Variants in SEL1L2 observed in about 807,000 individuals in gnomAD.
SEL1L2 encodes the protein protein sel-1 homolog 2.
SEL1L2 carries 89 observed loss-of-function variants against 98.8 expected under a neutral mutation model. That is an observed-to-expected ratio of 0.90 (90% CI 0.76 to 1.07). The LOEUF (loss-of-function observed/expected upper bound fraction) is 1.07, where lower values mean the gene tolerates loss of function less well. SEL1L2 is among the 50% of genes least tolerant of loss of function. The probability of loss-of-function intolerance (pLI) is 0.00; values close to 1 mark genes in which losing one functional copy is unlikely to be tolerated. For missense variants in SEL1L2, 788 were observed against 812.0 expected, an observed-to-expected ratio of 0.97 and a Z score of 0.36; for synonymous variants, 262 against 278.5, an observed-to-expected ratio of 0.94 and a Z score of 0.59.
At chr20:13,989,469 T>A (rs2052429059) in intron 1 of SEL1L2, among the ~76,000 whole-genome samples, 1 of 152,246 alleles carries the variant, frequency 6.6e-6, no homozygotes, top group Admixed American at 6.5e-5. Context: ...TTTTGTTTCT[T>A]GTGTAATTGC....
At position 13,983,023 on chromosome 20, in the gene SEL1L2, C is replaced by CAAAAAAAAAAAAAAAAAAAAA; in HGVS notation, c.58+7433_58+7453dup. ...TGGGCAACAGAGCAAGACTCCATCT[C>CAAAAAAAAAAAAAAAAAAAAA]AAAAAAAAAAAAAAAAAAAAAAAAA... On this transcript the variant is annotated intron_variant, in intron 1 of 19. Coordinates refer to ENST00000284951, the MANE Select transcript of SEL1L2 (RefSeq NM_025229.2). 9.9e-3 allele frequency among the ~76,000 whole-genome samples: 154 copies of CAAAAAAAAAAAAAAAAAAAAA among 15,562 alleles called. 49 individuals are homozygous for CAAAAAAAAAAAAAAAAAAAAA. The highest frequency in any genetic ancestry group is 0.014 in the Non-Finnish European group (96 of 6,950). The allele number at this position is 15,562 out of a possible 152,430, so 10.2% of individuals were successfully genotyped here. A position where few individuals can be genotyped will look rare whatever the true frequency, so the allele number is the denominator to read the frequency against.
intron 17 of SEL1L2, among the ~76,000 whole-genome samples, chr20:13,861,532 A>C (rs963476856): frequency 6.6e-6 from 1 of 152,080 alleles, no homozygotes; most frequent in Non-Finnish European, 1.5e-5. Flanking sequence ...ATACCATCCA[A>C]TTTACCCATT....
Position 13,913,928 on chromosome 20 carries a change from C to A in SEL1L2, c.403G>T (p.Ala135Ser), listed in dbSNP as rs761668363. The stretch of plus-strand genomic sequence containing the variant: ...AAGTTTCCCATGTCAGCTGCTTTGG[C>A]AAAAAGTAGGTAGGCTCTGTTTCAA... Reference protein sequence around the residue: ...KQKEEAYLLFAKAADMGNLKA... With the variant: ...KQKEEAYLLFSKAADMGNLKA... The change falls in exon 5 of 20, where the codon GCC becomes TCC. Residue 135 changes from alanine to serine, a missense_variant. By Grantham distance (99) the Ala-to-Ser change is moderately conservative (BLOSUM62 1). Coordinates refer to ENST00000284951, the MANE Select transcript of SEL1L2 (RefSeq NM_025229.2). 6.4e-7 allele frequency: 1 copy of A among 1,559,014 alleles called. No individual in the cohort carries two copies. The highest frequency in any genetic ancestry group is 8.6e-7 in the Non-Finnish European group (1 of 1,162,382).
At chr20:13,987,458 GC>G (rs2052278996) in intron 1 of SEL1L2, among the ~76,000 whole-genome samples, 2 of 151,786 alleles carry the variant, frequency 1.3e-5, no homozygotes, top group South Asian at 4.2e-4. Flanking sequence ...CGATTCTCCT[GC>G]CTCAGCCTCC....
chr20:13,960,797 A>G (rs1168052267), intron 1 of SEL1L2, among the ~76,000 whole-genome samples: 3 of 152,190 alleles, frequency 2.0e-5, no homozygotes, highest in Non-Finnish European at 4.4e-5. Context: ...CGGGTACAGG[A>G]AGAAAATATT....
rs2050526289 is a variant in SEL1L2 at position 13,956,145 on chromosome 20, A to C, written c.59-14T>G. 2 of 1,406,222 alleles carry C rather than the reference A, an allele frequency of 1.4e-6. No homozygotes were observed. The highest frequency in any genetic ancestry group is 2.4e-5 in the East Asian group (1 of 41,384). The allele number at this position is 1,406,222 out of a possible 1,614,324, so 87.1% of individuals were successfully genotyped here. A position where few individuals can be genotyped will look rare whatever the true frequency, so the allele number is the denominator to read the frequency against. On this transcript the variant is annotated splice_polypyrimidine_tract_variant and intron_variant, in intron 1 of 19. Coordinates refer to ENST00000284951, the MANE Select transcript of SEL1L2 (RefSeq NM_025229.2). ...CTGCTTTGATAGCTGCAATACACAA[A>C]ATTTTTTTATAAAATTTAAAAGCAT...
chr20:13,968,494 C>T (rs8122826), intron 1 of SEL1L2, among the ~76,000 whole-genome samples: 2 of 152,258 alleles, frequency 1.3e-5, no homozygotes, highest in South Asian at 2.1e-4. Flanking sequence ...TGAGAGTATG[C>T]GGTGGAACAT....
intron 18 of SEL1L2, among the ~76,000 whole-genome samples, chr20:13,854,435 C>T (rs186804356): frequency 3.9e-5 from 6 of 152,300 alleles, no homozygotes; most frequent in Admixed American, 2.6e-4. Context: ...CCTGGCAGTG[C>T]TGATTCCCCT....
intron 5 of SEL1L2, among the ~76,000 whole-genome samples, chr20:13,897,941 A>AACAC (rs557227250): frequency 6.7e-5 from 10 of 150,066 alleles, no homozygotes; most frequent in Middle Eastern, 3.2e-3. Flanking sequence ...GGCCACTATA[A>AACAC]ACACACACAC....
intron 18 of SEL1L2, among the ~76,000 whole-genome samples, chr20:13,856,277 A>G (rs1024907445): frequency 6.6e-6 from 1 of 152,080 alleles, no homozygotes. Context: ...CAATAGGCAC[A>G]TGCTACCTTG....
chr20:13,898,556 A>G (rs1264426815), intron 5 of SEL1L2, among the ~76,000 whole-genome samples: 2 of 152,034 alleles, frequency 1.3e-5, no homozygotes, highest in Non-Finnish European at 2.9e-5. Flanking sequence ...CCTCTACAAT[A>G]TCTCTCTAAT....
intron 10 of SEL1L2, among the ~76,000 whole-genome samples, chr20:13,880,022 GTCTCCT>G (rs2046621420): frequency 6.6e-6 from 1 of 152,058 alleles, no homozygotes; most frequent in South Asian, 2.1e-4. Flanking sequence ...GACTTATTTT[GTCTCCT>G]CCAATGTTGA....
At chr20:13,883,400 C>G (rs1034016931) in intron 10 of SEL1L2, among the ~76,000 whole-genome samples, 1 of 152,070 alleles carries the variant, frequency 6.6e-6, no homozygotes, top group African/African-American at 2.4e-5. Context: ...TTGTTTTGGC[C>G]TGGGTCAAAT....
intron 1 of SEL1L2, among the ~76,000 whole-genome samples, chr20:13,972,428 T>G (rs781545027): frequency 1.3e-5 from 2 of 152,208 alleles, no homozygotes; most frequent in African/African-American, 2.4e-5. Context: ...TCTCTGTGAT[T>G]GTTGTATTTC....
chr20:13,965,123 A>G lies in SEL1L2; in HGVS notation c.59-8992T>C, dbSNP rs559439433. Among the ~76,000 whole-genome samples, 4 of 26,080 alleles carry G rather than the reference A, an allele frequency of 1.5e-4. No individual in the cohort carries two copies. The Admixed American group carries it at 2.2e-3, about 14-fold the overall frequency. 17.1% of individuals were successfully genotyped at this position (26,080 alleles called of 152,430 possible). ...CAGCTGTGGGTGCAGGAGGTCAGGA[A>G]GTAGGAAGGGATACTGATTCCCACA... On this transcript the variant is annotated intron_variant, in intron 1 of 19. Transcript: ENST00000284951.
chr20:13,911,267 C>T (rs140356794), intron 5 of SEL1L2, among the ~76,000 whole-genome samples: 7 of 152,310 alleles, frequency 4.6e-5, no homozygotes, highest in South Asian at 2.1e-4. Flanking sequence ...TACTACATTA[C>T]GTTTGACACA....
rs918663189 is a variant in SEL1L2 at position 13,854,978 on chromosome 20, G to A, written c.1818+4284C>T. ...TGGCAGGAGAATTGCTTGAACCTGG[G>A]AGGCAGAGGTTGCAGTGACCGAAGA... On this transcript the variant is annotated intron_variant, in intron 18 of 19. Transcript: ENST00000284951. Among the ~76,000 whole-genome samples the A allele has an allele frequency of 2.6e-5, 4 of 151,424 alleles. No homozygotes were observed. In the East Asian group the frequency reaches 7.8e-4, roughly 29 times the overall value.
chr20:13,885,393 C>G lies in SEL1L2; in HGVS notation c.911G>C (p.Gly304Ala). ...RGDVQIQVSL[G>A]QLHLIGRKGL... ...TTTCCTGCCAATTAGATGTAATTGT[C>G]CAAGAGAGACCTAGGAATGATGAGT... Residue 304 changes from glycine to alanine, a missense_variant, in exon 10 of 20, where the codon GGA becomes GCA. Transcript: ENST00000284951. 6.3e-7 allele frequency: 1 copy of G among 1,598,562 alleles called. No homozygotes were observed. Among genetic ancestry groups the G allele is most frequent in the Non-Finnish European group, 8.6e-7 (1 of 1,165,946 alleles).
At chr20:13,933,694 C>A (rs188956504) in intron 2 of SEL1L2, among the ~76,000 whole-genome samples, 2 of 152,270 alleles carry the variant, frequency 1.3e-5, no homozygotes, top group African/African-American at 4.8e-5. Flanking sequence ...CCAGCTTCAA[C>A]ATGCGGATTC....
Sources: allele counts gnomAD v4.1 joint callset (sites outside exome capture counted in the v4.1 genomes callset), GRCh38; gene constraint gnomAD v4.1.1; transcripts MANE v1.5; gene names NCBI Gene and HGNC (gene_info 2026-07-23, HGNC 2026-07-21).